Variants in ACAP3 observed in about 807,000 individuals in gnomAD.
ACAP3 encodes arf-GAP with coiled-coil, ANK repeat and PH domain-containing protein 3.
ACAP3 carries 56 observed loss-of-function variants against 104.1 expected under a neutral mutation model. The ratio of observed to expected loss-of-function variants is 0.54; its 90% CI spans 0.43 to 0.67. ACAP3 has a LOEUF of 0.67. Ranked by LOEUF, ACAP3 falls within the 30% of genes least tolerant of loss-of-function variation. ACAP3 has a pLI of 0.00. For missense variants in ACAP3, 1,208 were observed against 1,174.9 expected (o/e 1.03, Z -0.41); for synonymous variants, 628 against 496.2 (o/e 1.27, Z -3.53).
rs1227039632 is a variant in ACAP3, at chr1:1,298,657, T to C, written c.773A>G (p.Lys258Arg). ...GGGCGCGTCCACGTCAAACTCCACT[T>C]TGGACTCATCGTAGGAGAAGTCCTG... ...LLQDFSYDES[K>R]VEFDVDAPSG... is the part of the protein sequence containing the mutation. The change falls in exon 11 of 24, where the codon AAA (lysine) becomes AGA (arginine). Residue 258 changes from lysine to arginine, a missense_variant. Coordinates refer to ENST00000354700, the MANE Select transcript of ACAP3 (RefSeq NM_030649.3). 2 of 1,612,320 alleles carry C rather than the reference T, an allele frequency of 1.2e-6. No homozygotes were observed. The highest frequency in any genetic ancestry group is 1.3e-5 in the African/African-American group (1 of 74,868).
intron 9 of ACAP3, 48 bp downstream of exon 9, chr1:1,299,783 G>A: frequency 6.6e-7 from 1 of 1,520,260 alleles, no homozygotes; most frequent in Non-Finnish European, 8.9e-7. Flanking sequence ...GAGGACGCAG[G>A]GGCCTCCCAG....
intron 1 of ACAP3, among the ~76,000 whole-genome samples, chr1:1,307,542 C>T (rs1416403505): frequency 1.3e-5 from 2 of 152,232 alleles, no homozygotes; most frequent in African/African-American, 2.4e-5. Flanking sequence ...CGGCTGCCCA[C>T]GCGCACGCCC....
chr1:1,304,575 C>T lies in ACAP3; in HGVS notation c.48-432G>A, dbSNP rs150426842. ...ACTGCAGCCCATCCAGGTCTGGCACCCATGCACTGTGGGACAGGGTGGGGG... is the reference window on the plus strand; with the variant it reads ...ACTGCAGCCCATCCAGGTCTGGCACTCATGCACTGTGGGACAGGGTGGGGG... On this transcript the variant is annotated intron_variant, in intron 1 of 23. Coordinates refer to ENST00000354700, the MANE Select transcript of ACAP3 (RefSeq NM_030649.3). The T allele has an allele frequency of 1.1e-3, 232 of 215,040 alleles. 1 individual carries two copies. Among genetic ancestry groups the T allele is most frequent in the African/African-American group, 4.9e-3 (212 of 43,402 alleles). The allele number at this position is 215,040 out of a possible 1,614,324, so 13.3% of individuals were successfully genotyped here. A position where few individuals can be genotyped will look rare whatever the true frequency, so the allele number is the denominator to read the frequency against.
At position 1,295,466 on chromosome 1, in the gene ACAP3, G is replaced by A. The variant is rs146761111; in HGVS notation, c.1794C>T (p.Ala598=). Reference sequence around the variant, plus strand: ...ACTTACTGCGAGGGCCAGCCCCTGCGGCCCCTGCGTCGAAGTAGGAGAAGA... The same window carrying A: ...ACTTACTGCGAGGGCCAGCCCCTGCAGCCCCTGCGTCGAAGTAGGAGAAGA... ...DSLFSYFDAG[A]AGAGPRSLSS... is the part of the protein sequence containing the mutation. Residue 598 remains alanine, a synonymous_variant, in exon 19 of 24, where the codon GCC becomes GCT. Coordinates refer to ENST00000354700, the MANE Select transcript of ACAP3 (RefSeq NM_030649.3). 4.7e-4 allele frequency: 755 copies of A among 1,612,482 alleles called. 4 individuals carry two copies. In the African/African-American group the frequency reaches 9.1e-3, roughly 19 times the overall value.
rs1299305064 is a variant in ACAP3 at position 1,304,135 on chromosome 1, A to G, written c.56T>C (p.Ile19Thr). The G allele has an allele frequency of 2.6e-6, 4 of 1,550,616 alleles. No individual in the cohort carries two copies. In the South Asian group the frequency reaches 3.6e-5, roughly 14 times the overall value. Reference protein sequence around the residue: ...VKDSPRFRATIDEVETDVVEI... With the variant: ...VKDSPRFRATTDEVETDVVEI... ...CACCACGTCCGTCTCCACCTCGTCA[A>G]TGGTCGCCCTAAAGCAAGAACGGGG... Residue 19 changes from isoleucine to threonine, a missense_variant, in exon 2 of 24, where the codon ATT becomes ACT. Transcript: ENST00000354700.
chr1:1,300,096 A>G, intron 7 of ACAP3, 28 bp from the exon 8 acceptor site: 1 of 1,609,326 alleles, frequency 6.2e-7, no homozygotes, highest in Non-Finnish European at 8.5e-7. Context: ...GTGAGGCCCA[A>G]GCACACCCGG....
intron 15 of ACAP3, 38 bp downstream of exon 15, chr1:1,296,387 C>T (rs1343639966): frequency 3.3e-6 from 5 of 1,532,688 alleles, no homozygotes; most frequent in Non-Finnish European, 4.4e-6. Flanking sequence ...GATGCTCCAG[C>T]CCAACCCCCA....
intron 1 of ACAP3, 25 bp from the exon 2 acceptor site, chr1:1,304,168 G>A: frequency 6.5e-7 from 1 of 1,550,282 alleles, no homozygotes; most frequent in Non-Finnish European, 8.7e-7. Flanking sequence ...GGGCTGGCTG[G>A]GGTCACCTGC....
At position 1,302,003 on chromosome 1, in the gene ACAP3, T is replaced by C. The variant is rs1302318992; in HGVS notation, c.323A>G (p.Gln108Arg). 4 of 1,574,524 alleles carry C rather than the reference T, an allele frequency of 2.5e-6. No individual in the cohort carries two copies. The highest frequency in any genetic ancestry group is 3.5e-6 in the Non-Finnish European group (4 of 1,158,734). The stretch of plus-strand genomic sequence containing the variant: ...GGCCACTCACTCTTTGACAAAGCTC[T>C]GGAGCTGCTGCCGCACGGACCTCTG... ...QAQRSVRQQL[Q>R]SFVKEDVRKF... The change falls in exon 5 of 24, where the codon CAG (glutamine) becomes CGG (arginine). Residue 108 changes from glutamine to arginine, a missense_variant. Physicochemically the swap from Gln to Arg is conservative, Grantham distance 43 (BLOSUM62 1). Transcript: ENST00000354700.
At chr1:1,305,660 C>T in intron 1 of ACAP3, 1 of 152,482 alleles carries the variant, frequency 6.6e-6, no homozygotes, top group Non-Finnish European at 1.5e-5. Context: ...GGGACCTAGG[C>T]CTCCTCTGCT....
intron 9 of ACAP3, 170 bp from the exon 10 acceptor site, chr1:1,299,526 C>A: frequency 1.1e-6 from 1 of 879,968 alleles, no homozygotes; most frequent in Non-Finnish European, 1.7e-6. Flanking sequence ...TGCAGCCAAC[C>A]TCTGCCCGGG....
chr1:1,307,050 G>A (rs2100501122), intron 1 of ACAP3: 1 of 655,802 alleles, frequency 1.5e-6, no homozygotes, highest in South Asian at 1.5e-5. Context: ...TGCAGAGGAG[G>A]GGGCCTCACG....
At position 1,303,352 on chromosome 1, in the gene ACAP3, C is replaced by CA; in HGVS notation, c.106-72dup. The CA allele has an allele frequency of 6.5e-7, 1 of 1,530,202 alleles. No homozygotes were observed. Among genetic ancestry groups the CA allele is most frequent in the Non-Finnish European group, 8.8e-7 (1 of 1,135,738 alleles). 94.8% of individuals were successfully genotyped at this position (1,530,202 alleles called of 1,614,324 possible). On this transcript the variant is annotated intron_variant, in intron 2 of 23. Coordinates refer to ENST00000354700, the MANE Select transcript of ACAP3 (RefSeq NM_030649.3). This position sits in a 1 kb window ranked among gnomAD's most constrained non-coding sequence, Gnocchi z 4.0. ...GCACTCGCCACCACACACGGCCACT[C>CA]AGAGGCAGGAAGAGCTCCCAGGGTA...
At position 1,304,119 on chromosome 1, in the gene ACAP3, C is replaced by T. The variant is rs368663259; in HGVS notation, c.72G>A (p.Thr24=). ...GTTTGGCCTCAATCTCCACCACGTC[C>T]GTCTCCACCTCGTCAATGGTCGCCC... The part of the protein sequence containing the change: ...RFRATIDEVE[T]DVVEIEAKLD... Residue 24 remains threonine (T), a synonymous_variant, in exon 2 of 24, where the codon ACG becomes ACA. Transcript: ENST00000354700. The T allele has an allele frequency of 3.0e-5, 47 of 1,550,714 alleles. No homozygotes were observed. The highest frequency in any genetic ancestry group is 1.9e-4 in the South Asian group (16 of 84,066).
At chr1:1,296,718 G>T (rs1429217982) in intron 14 of ACAP3, 85 bp from the exon 15 acceptor site, 3 of 1,384,898 alleles carry the variant, frequency 2.2e-6, no homozygotes, top group Non-Finnish European at 2.9e-6. Context: ...AGCCAGAAGA[G>T]CCAATGCAGG....
intron 12 of ACAP3, 28 bp downstream of exon 12, chr1:1,298,341 AG>A (rs1641288016): frequency 1.2e-6 from 2 of 1,606,132 alleles, no homozygotes; most frequent in East Asian, 4.5e-5. Context: ...TCCAGCCATC[AG>A]GGCCCCAGCC....
chr1:1,306,498 C>A (rs1420328377), intron 1 of ACAP3, among the ~76,000 whole-genome samples: 1 of 152,114 alleles, frequency 6.6e-6, no homozygotes, highest in Non-Finnish European at 1.5e-5. Context: ...CAGAGGATGG[C>A]CCCAGTTCCT....
At chr1:1,302,623 G>A (rs1641492650) in intron 4 of ACAP3, among the ~76,000 whole-genome samples, 1 of 152,086 alleles carries the variant, frequency 6.6e-6, no homozygotes, top group African/African-American at 2.4e-5. Context: ...GGCCCCCGGG[G>A]GCCACCCAGA....
At chr1:1,306,698 G>T (rs766863575) in intron 1 of ACAP3, among the ~76,000 whole-genome samples, 1 of 152,222 alleles carries the variant, frequency 6.6e-6, no homozygotes, top group Non-Finnish European at 1.5e-5. Context: ...AAGCACACAT[G>T]TGCAAACATG....
Sources: allele counts gnomAD v4.1 joint callset (sites outside exome capture counted in the v4.1 genomes callset), GRCh38; gene constraint gnomAD v4.1.1; non-coding constraint Gnocchi (gnomAD v3.1); transcripts MANE v1.5; gene names NCBI Gene and HGNC (gene_info 2026-07-23, HGNC 2026-07-21).